FBXO4: variants seen among roughly 807,000 people sequenced by gnomAD.
The protein encoded by FBXO4 is F-box protein 4.
FBXO4 carries 36 observed loss-of-function variants against 43.7 expected under a neutral mutation model. That is an observed-to-expected ratio of 0.82 (90% CI 0.63 to 1.09). The LOEUF is 1.09. Among genes scored for constraint, FBXO4 ranks in the 50% least tolerant of loss-of-function variants. The probability of loss-of-function intolerance (pLI) is 0.00; values close to 1 mark genes in which losing one functional copy is unlikely to be tolerated. For missense variants in FBXO4, 435 were observed against 474.1 expected (o/e 0.92, Z 0.77); for synonymous variants, 180 against 165.6 (o/e 1.09, Z -0.67).
At chr5:41,974,480 G>A in the FBXO4 span, among the ~76,000 whole-genome samples, 1 of 152,168 alleles carries the variant, frequency 6.6e-6, no homozygotes, top group Admixed American at 6.5e-5. Context: ...TTCAGTCTGA[G>A]TAATATCTGT....
the FBXO4 span, among the ~76,000 whole-genome samples, chr5:41,998,398 T>C: frequency 6.6e-6 from 1 of 152,192 alleles, no homozygotes; most frequent in African/African-American, 2.4e-5. Context: ...TGAGTAGGTC[T>C]AAAGTCACTA....
the FBXO4 span, among the ~76,000 whole-genome samples, chr5:42,021,210 C>G: frequency 6.6e-6 from 1 of 152,138 alleles, no homozygotes; most frequent in African/African-American, 2.4e-5. Context: ...GGAAGGAAAT[C>G]AGTTAACTGT....
At chr5:42,022,470 A>G in the FBXO4 span, among the ~76,000 whole-genome samples, 1 of 152,118 alleles carries the variant, frequency 6.6e-6, no homozygotes, top group South Asian at 2.1e-4. Flanking sequence ...TTCAATTTGC[A>G]ACAATAGTTA....
At chr5:42,029,442 T>C in the FBXO4 span, among the ~76,000 whole-genome samples, 1 of 151,982 alleles carries the variant, frequency 6.6e-6, no homozygotes, top group Non-Finnish European at 1.5e-5. Context: ...TTAAATCTGC[T>C]TGGTGTTTCA....
At chr5:42,015,032 C>T in the FBXO4 span, among the ~76,000 whole-genome samples, 1 of 152,072 alleles carries the variant, frequency 6.6e-6, no homozygotes, top group African/African-American at 2.4e-5. Context: ...ATTTGTTTTT[C>T]CCAGTGGCAT....
chr5:41,983,198 T>C, the FBXO4 span, among the ~76,000 whole-genome samples: 2 of 152,368 alleles, frequency 1.3e-5, no homozygotes, highest in East Asian at 1.9e-4. Context: ...TGTGTCTTTA[T>C]AGTAAAATGA....
chr5:41,993,074 T>C, the FBXO4 span, among the ~76,000 whole-genome samples: 1 of 152,186 alleles, frequency 6.6e-6, no homozygotes, highest in Non-Finnish European at 1.5e-5. Context: ...TAGACTGAAG[T>C]ATTACTTAGT....
chr5:41,962,198 C>A, the FBXO4 span, among the ~76,000 whole-genome samples: 8 of 152,192 alleles, frequency 5.3e-5, no homozygotes, highest in Non-Finnish European at 1.0e-4. Context: ...ACTTATTTTA[C>A]CACAGGCTGC....
At chr5:41,933,833 G>C in intron 3 of FBXO4, 113 bp from the exon 4 acceptor site, 1 of 736,822 alleles carries the variant, frequency 1.4e-6, no homozygotes, top group East Asian at 2.6e-5. Context: ...CTATGTATAA[G>C]TTGTTATAGA....
the FBXO4 span, among the ~76,000 whole-genome samples, chr5:42,015,719 G>GA: frequency 2.6e-4 from 38 of 144,740 alleles, no homozygotes; most frequent in Non-Finnish European, 2.7e-4. Context: ...TGCCAGGATT[G>GA]AAAAAAAAAA....
At chr5:42,038,233 C>T in the FBXO4 span, among the ~76,000 whole-genome samples, 6,014 of 152,128 alleles carry the variant, frequency 0.04, 426 homozygotes, top group African/African-American at 0.14. Flanking sequence ...ATATTCTGTT[C>T]ACCACGAAGC....
At chr5:41,998,282 G>T in the FBXO4 span, among the ~76,000 whole-genome samples, 4 of 152,198 alleles carry the variant, frequency 2.6e-5, no homozygotes, top group Admixed American at 2.0e-4. Flanking sequence ...CTGATATACA[G>T]AGAAGAGCAA....
At chr5:41,985,281 A>T in the FBXO4 span, among the ~76,000 whole-genome samples, 11 of 152,196 alleles carry the variant, frequency 7.2e-5, no homozygotes, top group Non-Finnish European at 1.0e-4. Context: ...TTATTAACTT[A>T]TTCAACAGAG....
the FBXO4 span, among the ~76,000 whole-genome samples, chr5:41,956,979 T>C: frequency 6.6e-6 from 1 of 152,198 alleles, no homozygotes; most frequent in Non-Finnish European, 1.5e-5. Flanking sequence ...CCCAAAGTGC[T>C]GGGATTACAG....
the FBXO4 span, among the ~76,000 whole-genome samples, chr5:41,950,535 A>G: frequency 6.6e-6 from 1 of 152,234 alleles, no homozygotes; most frequent in Non-Finnish European, 1.5e-5. Flanking sequence ...GCCAGTTAGA[A>G]CAGCAATCAT....
chr5:42,015,638 G>C, the FBXO4 span, among the ~76,000 whole-genome samples: 1 of 152,018 alleles, frequency 6.6e-6, no homozygotes, highest in Non-Finnish European at 1.5e-5. Flanking sequence ...CTGAGAAGAA[G>C]ATTTAACCCT....
the FBXO4 span, among the ~76,000 whole-genome samples, chr5:41,988,392 C>G: frequency 5.8e-4 from 88 of 152,228 alleles, 1 homozygote; most frequent in Non-Finnish European, 6.9e-4. Context: ...GAAGGGTATA[C>G]TTAAAAATGA....
intron 5 of FBXO4, among the ~76,000 whole-genome samples, chr5:41,935,885 ACT>A (rs1751836552): frequency 6.6e-6 from 1 of 152,174 alleles, no homozygotes; most frequent in Non-Finnish European, 1.5e-5. Context: ...TGAGAAAGAA[ACT>A]CTGGTACTCC....
At chr5:42,002,080 C>T in the FBXO4 span, among the ~76,000 whole-genome samples, 1 of 152,134 alleles carries the variant, frequency 6.6e-6, no homozygotes, top group Non-Finnish European at 1.5e-5. Context: ...TGCAATTTTA[C>T]TGAATTTATT....
Sources: allele counts gnomAD v4.1 joint callset (sites outside exome capture counted in the v4.1 genomes callset), GRCh38; gene constraint gnomAD v4.1.1; transcripts MANE v1.5; gene names NCBI Gene and HGNC (gene_info 2026-07-23, HGNC 2026-07-21).